Variants in CA5A observed in about 807,000 individuals in gnomAD.
The protein encoded by CA5A is carbonic anhydrase 5A.
CA5A carries 28 observed loss-of-function variants against 37.1 expected under a neutral mutation model. The ratio of observed to expected loss-of-function variants is 0.75; its 90% CI spans 0.56 to 1.03. CA5A has a LOEUF of 1.03. Ranked by LOEUF, CA5A falls within the 50% of genes least tolerant of loss-of-function variation. The pLI is 0.00. For synonymous variants in CA5A, 171 were observed against 158.4 expected, an observed-to-expected ratio of 1.08 and a Z score of -0.60; for missense variants, 444 against 399.9, an observed-to-expected ratio of 1.11 and a Z score of -0.94.
At position 87,904,833 on chromosome 16, in the gene CA5A, C is replaced by G. The variant is rs747262976; in HGVS notation, c.412G>C (p.Glu138Gln). The G allele has an allele frequency of 6.2e-7, 1 of 1,613,604 alleles. No homozygotes were observed. Among genetic ancestry groups the G allele is most frequent in the Admixed American group, 1.7e-5 (1 of 60,000 alleles). The stretch of plus-strand genomic sequence containing the variant: ...TCCACTGTGTGCTCTGAGCCCCCCT[C>G]GTTCACTGCTCCCCAGTGGAAGTGA... The part of the protein sequence containing the change: ...QFHFHWGAVN[E>Q]GGSEHTVDGH... Residue 138 changes from glutamate (E) to glutamine (Q), a missense_variant, in exon 3 of 7, where the codon GAG becomes CAG. Glu to Gln is a conservative substitution (Grantham distance 29). Transcript: ENST00000649794.
downstream of CA5A, chr16:87,886,617 C>T (rs2055650309): frequency 6.6e-6 from 1 of 152,048 alleles, no homozygotes; most frequent in Admixed American, 6.6e-5. Flanking sequence ...TTTGGGAGGT[C>T]AAGGCAGGAG....
At chr16:87,925,619 G>C (rs1158383029) in intron 2 of CA5A, 1 of 152,240 alleles carries the variant, frequency 6.6e-6, no homozygotes, top group East Asian at 1.9e-4. Flanking sequence ...GGACCTGGCA[G>C]CCAGTCCTGA....
At chr16:87,918,811 G>C (rs954307229) in intron 2 of CA5A, among the ~76,000 whole-genome samples, 1 of 152,160 alleles carries the variant, frequency 6.6e-6, no homozygotes, top group African/African-American at 2.4e-5. Context: ...TCCATCCCCA[G>C]CGGCTCCCGA....
chr16:87,923,696 CA>C (rs2056261635), intron 2 of CA5A: 1 of 985,162 alleles, frequency 1.0e-6, no homozygotes. Context: ...TGTAAAATAA[CA>C]AACAAAAGTC....
At chr16:87,896,933 T>C (rs2055810875) in intron 5 of CA5A, among the ~76,000 whole-genome samples, 1 of 152,234 alleles carries the variant, frequency 6.6e-6, no homozygotes, top group South Asian at 2.1e-4. Context: ...AGCCACGCTC[T>C]GTTCCTGGTT....
intron 2 of CA5A, among the ~76,000 whole-genome samples, chr16:87,906,571 G>C (rs1000279870): frequency 6.6e-6 from 1 of 152,100 alleles, no homozygotes; most frequent in African/African-American, 2.4e-5. Context: ...AGGTTGCAGT[G>C]AGCTGAGAAC....
intron 1 of CA5A, 138 bp downstream of exon 1, chr16:87,936,171 T>TAA (rs57177923): frequency 0.039 from 16,775 of 429,458 alleles, 387 homozygotes; most frequent in African/African-American, 0.14. Context: ...GACGCCATCT[T>TAA]AAAAAAAAAA....
rs960464100 is a variant in CA5A at position 87,924,955 on chromosome 16, A to G, written c.340+1793T>C. On this transcript the variant is annotated intron_variant, in intron 2 of 6. Coordinates refer to ENST00000649794, the MANE Select transcript of CA5A (RefSeq NM_001739.2). ...GGCCATCCCTTCTCTCCCCAATCAC[A>G]GAGGAAGAAAAGGAGGCTCATTTAT... 6.6e-5 allele frequency among the ~76,000 whole-genome samples: 10 copies of G among 152,184 alleles called. 1 individual carries two copies. The highest frequency in any genetic ancestry group is 1.2e-4 in the Non-Finnish European group (8 of 68,026).
chr16:87,925,880 C>G (rs1446484908), intron 2 of CA5A, among the ~76,000 whole-genome samples: 3 of 152,120 alleles, frequency 2.0e-5, no homozygotes, highest in African/African-American at 4.8e-5. Context: ...CTGCTCCCCT[C>G]CAGCCGCCTG....
At chr16:87,891,333 T>C (rs2055710178) in intron 6 of CA5A, among the ~76,000 whole-genome samples, 1 of 150,992 alleles carries the variant, frequency 6.6e-6, no homozygotes, top group African/African-American at 2.4e-5. Flanking sequence ...CCAGGCGTGG[T>C]GATGGGTGCC....
intron 2 of CA5A, among the ~76,000 whole-genome samples, chr16:87,914,592 C>T (rs1328116748): frequency 6.6e-6 from 1 of 152,020 alleles, no homozygotes; most frequent in Non-Finnish European, 1.5e-5. Flanking sequence ...AGGGGAGCAA[C>T]GCAGTGGGGA....
At chr16:87,923,255 C>T (rs1753206355) in intron 2 of CA5A, among the ~76,000 whole-genome samples, 1 of 152,174 alleles carries the variant, frequency 6.6e-6, no homozygotes, top group Non-Finnish European at 1.5e-5. Context: ...GTGGCTCGAT[C>T]TCTGCTCACT....
chr16:87,927,094 GCGCAGCGA>G, intron 1 of CA5A, 149 bp from the exon 2 acceptor site: 1 of 614,314 alleles, frequency 1.6e-6, no homozygotes, highest in East Asian at 2.8e-5. Context: ...GGGGGCCCCT[GCGCAGCGA>G]CGCACGCCCA....
chr16:87,918,530 G>A (rs1240744984), intron 2 of CA5A, among the ~76,000 whole-genome samples: 9 of 152,222 alleles, frequency 5.9e-5, no homozygotes, highest in Non-Finnish European at 1.3e-4. Context: ...CAGCTCCTAG[G>A]AAAACTGCTG....
chr16:87,896,929 G>A (rs1053900875), intron 5 of CA5A, among the ~76,000 whole-genome samples: 3 of 152,176 alleles, frequency 2.0e-5, no homozygotes, highest in African/African-American at 7.2e-5. Context: ...CGTGAGCCAC[G>A]CTCTGTTCCT....
rs1202243393 is a variant in CA5A, at chr16:87,936,404, A to G, written c.47T>C (p.Val16Ala). 3 of 1,614,062 alleles carry G rather than the reference A, an allele frequency of 1.9e-6. No homozygotes were observed. Among genetic ancestry groups the G allele is most frequent in the Admixed American group, 3.3e-5 (2 of 60,014 alleles). Residue 16 changes from valine (V) to alanine (A), a missense_variant, in exon 1 of 7, where the codon GTT (valine) becomes GCT (alanine). Transcript: ENST00000649794. ...TWKTSAFSFL[V>A]EQMWAPLWSR... ...CCAGAGAGGGGCCCACATCTGCTCA[A>G]CCAAGAAGGAGAAAGCTGAGGTCTT... is the stretch of plus-strand genomic sequence containing the variant.
chr16:87,922,069 C>T (rs763475429), intron 2 of CA5A, among the ~76,000 whole-genome samples: 6 of 151,984 alleles, frequency 3.9e-5, no homozygotes, highest in Non-Finnish European at 5.9e-5. Context: ...GATGCATTCT[C>T]GTTACCCTCC....
At chr16:87,915,525 AATTT>A (rs2056125229) in intron 2 of CA5A, among the ~76,000 whole-genome samples, 1 of 107,128 alleles carries the variant, frequency 9.3e-6, no homozygotes, top group African/African-American at 3.4e-5. Flanking sequence ...CCTGTGTCAA[AATTT>A]TTTTTTTTTT....
rs200681449 is a variant in CA5A, at chr16:87,936,371, G to C, written c.80C>G (p.Ser27Trp). The C allele has an allele frequency of 4.0e-4, 652 of 1,613,958 alleles. 1 individual carries two copies. The highest frequency in any genetic ancestry group is 1.2e-4 in the Non-Finnish European group (147 of 1,179,916). Residue 27 changes from serine (S) to tryptophan (W), a missense_variant, in exon 1 of 7, where the codon TCG becomes TGG. By Grantham distance (177) the Ser-to-Trp change is radical. Transcript: ENST00000649794. ...EQMWAPLWSR[S>W]MRPGRWCSQR... ...AGAACACCATCGCCCTGGCCTCATC[G>C]AACGACTCCAGAGAGGGGCCCACAT...
Sources: allele counts gnomAD v4.1 joint callset (sites outside exome capture counted in the v4.1 genomes callset), GRCh38; gene constraint gnomAD v4.1.1; transcripts MANE v1.5; gene names NCBI Gene and HGNC (gene_info 2026-07-23, HGNC 2026-07-21).